CCDC15: variants seen among roughly 807,000 people sequenced by gnomAD.
The protein encoded by CCDC15 is coiled-coil domain-containing protein 15.
A neutral mutation model predicts 114.5 loss-of-function variants in CCDC15; 105 were observed. The ratio of observed to expected loss-of-function variants is 0.92; its 90% CI spans 0.78 to 1.08. The LOEUF is 1.08. Ranked by LOEUF, CCDC15 falls within the 50% of genes least tolerant of loss-of-function variation. The probability of loss-of-function intolerance (pLI) is 0.00; values close to 1 mark genes in which losing one functional copy is unlikely to be tolerated. For missense variants in CCDC15, 1,105 were observed against 1,093.6 expected (o/e 1.01, Z -0.15); for synonymous variants, 334 against 377.8 (o/e 0.88, Z 1.34).
chr11:125,012,857 A>G (rs574474793), intron 13 of CCDC15, among the ~76,000 whole-genome samples: 16 of 152,310 alleles, frequency 1.1e-4, no homozygotes, highest in African/African-American at 3.8e-4. Flanking sequence ...AAACTAGAAT[A>G]TATGACAGGA....
At chr11:124,986,632 A>G (rs1470356194) in intron 6 of CCDC15, 110 bp from the exon 7 acceptor site, 17 of 1,218,524 alleles carry the variant, frequency 1.4e-5, no homozygotes, top group Non-Finnish European at 1.8e-5. Flanking sequence ...TTTTATTGCA[A>G]TCACATTGTT....
At chr11:124,983,048 T>C (rs1177373158) in intron 6 of CCDC15, among the ~76,000 whole-genome samples, 1 of 152,222 alleles carries the variant, frequency 6.6e-6, no homozygotes, top group Non-Finnish European at 1.5e-5. Flanking sequence ...AGCCAGTCTT[T>C]GAGCTCTGAG....
chr11:124,998,721 C>T (rs1948419013), intron 11 of CCDC15, among the ~76,000 whole-genome samples: 1 of 149,074 alleles, frequency 6.7e-6, no homozygotes, highest in Non-Finnish European at 1.5e-5. Context: ...TTATGAAAAA[C>T]TTGAGAGAGT....
rs1948813961 is a variant in CCDC15 at position 125,041,026 on chromosome 11, T to G, written c.*315T>G. 5.0e-6 allele frequency: 1 copy of G among 200,674 alleles called. No homozygotes were observed. Among genetic ancestry groups the G allele is most frequent in the African/African-American group, 2.3e-5 (1 of 43,426 alleles). The allele number at this position is 200,674 out of a possible 1,614,324, so 12.4% of individuals were successfully genotyped here. Reference sequence around the variant, plus strand: ...TGTGAAGTCTTTGAGATTCTCTTATTTATCATCTTTCTAAAACTGTGTTTT... The same window carrying G: ...TGTGAAGTCTTTGAGATTCTCTTATGTATCATCTTTCTAAAACTGTGTTTT... On this transcript the variant is annotated 3_prime_UTR_variant, in exon 16 of 16. Transcript: ENST00000344762.
chr11:124,972,251 T>G (rs934685291), intron 4 of CCDC15, among the ~76,000 whole-genome samples: 5 of 152,216 alleles, frequency 3.3e-5, no homozygotes, highest in African/African-American at 1.2e-4. Context: ...GAATCAATAG[T>G]GTGCCTAAGG....
At chr11:125,039,094 G>A in intron 15 of CCDC15, 25 bp downstream of exon 15, 1 of 1,544,794 alleles carries the variant, frequency 6.5e-7, no homozygotes, top group Non-Finnish European at 8.7e-7. Context: ...GGAATAGTCA[G>A]GGCCTAATGG....
chr11:124,992,513 A>T, intron 9 of CCDC15, 67 bp from the exon 10 acceptor site: 1 of 868,704 alleles, frequency 1.2e-6, no homozygotes, highest in Non-Finnish European at 1.8e-6. Context: ...GAAGCTTATG[A>T]TATTATGATT....
At chr11:124,976,762 G>A (rs1022369915) in intron 5 of CCDC15, among the ~76,000 whole-genome samples, 1 of 152,046 alleles carries the variant, frequency 6.6e-6, no homozygotes, top group Non-Finnish European at 1.5e-5. Context: ...ATAGACGGGA[G>A]GATTAAGTCT....
At chr11:124,982,470 A>C (rs1591586174) in intron 6 of CCDC15, among the ~76,000 whole-genome samples, 1 of 152,222 alleles carries the variant, frequency 6.6e-6, no homozygotes, top group East Asian at 1.9e-4. Context: ...CACCTCTTGT[A>C]AGGCAGGTCT....
In CCDC15 at chr11:125,038,584, G is replaced by T; in HGVS notation, c.2565G>T (p.Gln855His). The T allele has an allele frequency of 6.4e-7, 1 of 1,568,610 alleles. No homozygotes were observed. Among genetic ancestry groups the T allele is most frequent in the South Asian group, 1.2e-5 (1 of 82,844 alleles). Residue 855 changes from glutamine to histidine, a missense_variant, in exon 14 of 16, where the codon CAG becomes CAT. Physicochemically the swap from Gln to His is conservative, Grantham distance 24 (BLOSUM62 0). Transcript: ENST00000344762. ...QEIKGTREKQQREKEYLRYVE... is the reference protein window; with the variant it reads ...QEIKGTREKQHREKEYLRYVE... ...TAAAAGGAACCAGAGAAAAACAACAGAGAGAAAAAGAATACCTGAGGTAAT... is the reference window on the plus strand; with the variant it reads ...TAAAAGGAACCAGAGAAAAACAACATAGAGAAAAAGAATACCTGAGGTAAT...
At chr11:124,999,484 T>G (rs1307128612) in intron 11 of CCDC15, among the ~76,000 whole-genome samples, 1 of 152,166 alleles carries the variant, frequency 6.6e-6, no homozygotes, top group African/African-American at 2.4e-5. Context: ...TTTCTCTTTG[T>G]TCTTCACAGT....
chr11:124,969,466 A>G (rs1429569720), intron 4 of CCDC15, among the ~76,000 whole-genome samples: 4 of 152,178 alleles, frequency 2.6e-5, no homozygotes, highest in African/African-American at 4.8e-5. Flanking sequence ...TAGTCTTACC[A>G]TATAATAACT....
intron 13 of CCDC15, among the ~76,000 whole-genome samples, chr11:125,023,904 T>C (rs112297237): frequency 3.3e-5 from 5 of 152,198 alleles, no homozygotes; most frequent in African/African-American, 1.2e-4. Flanking sequence ...ATCTCATTTA[T>C]ATAAAATGTC....
chr11:124,964,397 C>G (rs575848361), intron 4 of CCDC15, among the ~76,000 whole-genome samples: 1 of 152,230 alleles, frequency 6.6e-6, no homozygotes, highest in East Asian at 1.9e-4. Context: ...ATTTTATTCT[C>G]TTTGAAGCAG....
At chr11:125,001,436 A>G (rs1250418988) in intron 11 of CCDC15, among the ~76,000 whole-genome samples, 3 of 152,270 alleles carry the variant, frequency 2.0e-5, no homozygotes, top group Non-Finnish European at 4.4e-5. Context: ...ATTAAAGTAT[A>G]CAGTATTTTT....
chr11:125,007,907 C>A (rs377538637), intron 13 of CCDC15, among the ~76,000 whole-genome samples: 1 of 152,112 alleles, frequency 6.6e-6, no homozygotes, highest in East Asian at 1.9e-4. Flanking sequence ...TGGTTCTATA[C>A]CTGGGTGCTG....
intron 8 of CCDC15, 41 bp from the exon 9 acceptor site, chr11:124,991,419 CT>C: frequency 7.3e-7 from 1 of 1,363,616 alleles, no homozygotes; most frequent in Non-Finnish European, 9.9e-7. Flanking sequence ...TCATATTAGT[CT>C]TGCTAGACAA....
chr11:125,001,590 T>C (rs1948483477), intron 11 of CCDC15, among the ~76,000 whole-genome samples: 1 of 152,212 alleles, frequency 6.6e-6, no homozygotes, highest in Non-Finnish European at 1.5e-5. Context: ...ATGCAACCAC[T>C]AAGCTATTTT....
At chr11:124,993,086 G>A in intron 10 of CCDC15, 83 bp from the exon 11 acceptor site, 1 of 798,798 alleles carries the variant, frequency 1.3e-6, no homozygotes, top group Non-Finnish European at 2.1e-6. Context: ...ATTACTCTGG[G>A]ATTGTCACTG....
Sources: allele counts gnomAD v4.1 joint callset (sites outside exome capture counted in the v4.1 genomes callset), GRCh38; gene constraint gnomAD v4.1.1; transcripts MANE v1.5; gene names NCBI Gene and HGNC (gene_info 2026-07-23, HGNC 2026-07-21).